Variants in EPB41L2 observed in about 807,000 individuals in gnomAD.
EPB41L2 encodes erythrocyte membrane protein band 4.1 like 2, also known as band 4.1-like protein 2.
In EPB41L2, 43 loss-of-function variants were observed where a neutral mutation model predicts 113.0. The ratio of observed to expected loss-of-function variants is 0.38; its 90% CI spans 0.30 to 0.49. EPB41L2 has a LOEUF of 0.49. Ranked by LOEUF, EPB41L2 falls within the 20% of genes least tolerant of loss-of-function variation. EPB41L2 has a pLI of 0.95. For missense variants in EPB41L2, 1,147 were observed against 1,223.4 expected (o/e 0.94, Z 0.93); for synonymous variants, 442 against 436.7 (o/e 1.01, Z -0.15).
At chr6:130,885,886 A>G (rs1448118363) in intron 11 of EPB41L2, among the ~76,000 whole-genome samples, 1 of 152,146 alleles carries the variant, frequency 6.6e-6, no homozygotes, top group Non-Finnish European at 1.5e-5. Flanking sequence ...CTATACATAG[A>G]CACCTCCCTC....
intron 1 of EPB41L2, among the ~76,000 whole-genome samples, chr6:131,028,362 T>C (rs1791330424): frequency 6.6e-6 from 1 of 152,194 alleles, no homozygotes. Flanking sequence ...GATTGGGTCA[T>C]CCCTTAGTGC....
At chr6:130,919,991 A>C (rs1378415952) in intron 4 of EPB41L2, among the ~76,000 whole-genome samples, 1 of 152,036 alleles carries the variant, frequency 6.6e-6, no homozygotes, top group Non-Finnish European at 1.5e-5. Flanking sequence ...TTTTTTTAAC[A>C]ACTGCACCAC....
chr6:131,017,315 T>C (rs968820849), intron 1 of EPB41L2, among the ~76,000 whole-genome samples: 6 of 152,160 alleles, frequency 3.9e-5, no homozygotes, highest in Non-Finnish European at 8.8e-5. Flanking sequence ...CAAACTAACA[T>C]TGGCTGGATT....
At chr6:131,042,924 T>C (rs531302974) in intron 1 of EPB41L2, among the ~76,000 whole-genome samples, 37 of 152,320 alleles carry the variant, frequency 2.4e-4, no homozygotes, top group African/African-American at 8.4e-4. Context: ...AGAGGATTAT[T>C]ATCTTCCCAA....
At chr6:131,023,150 G>GTAT (rs1789903079) in intron 1 of EPB41L2, among the ~76,000 whole-genome samples, 1 of 152,150 alleles carries the variant, frequency 6.6e-6, no homozygotes, top group Non-Finnish European at 1.5e-5. Context: ...ATAATGCAAA[G>GTAT]TATTCCTTCC....
chr6:131,021,559 C>T (rs1308486095), intron 1 of EPB41L2, among the ~76,000 whole-genome samples: 1 of 151,868 alleles, frequency 6.6e-6, no homozygotes, highest in Non-Finnish European at 1.5e-5. Flanking sequence ...TACTCAGGAG[C>T]CTGAGGCAGG....
chr6:130,937,093 CAGTG>C (rs1418774314), intron 3 of EPB41L2, among the ~76,000 whole-genome samples: 5 of 152,222 alleles, frequency 3.3e-5, no homozygotes, highest in African/African-American at 1.2e-4. Context: ...ACATCCCACA[CAGTG>C]GGTACATTTG....
intron 1 of EPB41L2, among the ~76,000 whole-genome samples, chr6:131,037,640 G>A (rs1793605946): frequency 7.1e-6 from 1 of 139,886 alleles, no homozygotes; most frequent in Non-Finnish European, 1.5e-5. Context: ...ACAGGCTGGT[G>A]TGCACTGGTG....
chr6:131,040,059 G>A (rs1794134619), intron 1 of EPB41L2, among the ~76,000 whole-genome samples: 1 of 152,182 alleles, frequency 6.6e-6, no homozygotes, highest in Non-Finnish European at 1.5e-5. Flanking sequence ...TTAGGGTATA[G>A]AGTGTTAACG....
At chr6:130,954,036 C>CTTTTTT (rs1816328530) in intron 3 of EPB41L2, among the ~76,000 whole-genome samples, 19 of 45,520 alleles carry the variant, frequency 4.2e-4, no homozygotes, top group African/African-American at 7.6e-4. Context: ...TAGTCCTTTT[C>CTTTTTT]TTTCTTTTTT....
At chr6:130,927,127 T>C (rs1471560154) in intron 3 of EPB41L2, among the ~76,000 whole-genome samples, 1 of 152,212 alleles carries the variant, frequency 6.6e-6, no homozygotes, top group Non-Finnish European at 1.5e-5. Flanking sequence ...TAATTTATCC[T>C]ATCAACACTT....
At chr6:131,012,400 C>T (rs573040655) in intron 1 of EPB41L2, among the ~76,000 whole-genome samples, 91 of 147,132 alleles carry the variant, frequency 6.2e-4, no homozygotes, top group Non-Finnish European at 1.2e-3. Flanking sequence ...AGCAGCATGG[C>T]GGGCTACCAC....
intron 4 of EPB41L2, among the ~76,000 whole-genome samples, chr6:130,913,334 T>C (rs575974725): frequency 2.6e-5 from 4 of 152,318 alleles, no homozygotes; most frequent in Admixed American, 6.5e-5. Context: ...GGGGTTTACC[T>C]GATGTGATCA....
intron 1 of EPB41L2, among the ~76,000 whole-genome samples, chr6:131,031,377 G>C (rs1488252089): frequency 6.6e-6 from 1 of 151,862 alleles, no homozygotes; most frequent in Non-Finnish European, 1.5e-5. Context: ...ACAGCTGATA[G>C]AGTACCAAAA....
rs376819201 is a variant in EPB41L2 at position 131,001,418 on chromosome 6, G to A, written c.-14-44919C>T. 6.6e-5 allele frequency among the ~76,000 whole-genome samples: 10 copies of A among 152,160 alleles called. 1 individual carries two copies. The East Asian group carries it at 1.7e-3, about 26-fold the overall frequency. On this transcript the variant is annotated intron_variant, in intron 1 of 19. Transcript: ENST00000337057. ...TTATATTACATGGAACAAACTTTTT[G>A]GTACAACACTAGAGAACAAGTTAAG...
In EPB41L2 at chr6:130,916,919, C is replaced by T. The variant is rs577014139; in HGVS notation, c.811-8056G>A. The stretch of plus-strand genomic sequence containing the variant: ...TTCCTGAAAGCTCAATATAGAGAGA[C>T]ATTTTTCAAGTCCTACTGGCTTGTC... On this transcript the variant is annotated intron_variant, in intron 4 of 19. Coordinates refer to ENST00000337057, the MANE Select transcript of EPB41L2 (RefSeq NM_001431.4). Among the ~76,000 whole-genome samples the T allele has an allele frequency of 9.2e-5, 14 of 152,310 alleles. 1 individual carries two copies. Among genetic ancestry groups the T allele is most frequent in the Admixed American group, 7.8e-4 (12 of 15,298 alleles).
intron 8 of EPB41L2, among the ~76,000 whole-genome samples, chr6:130,898,121 A>C (rs1429319595): frequency 2.0e-5 from 3 of 151,406 alleles, no homozygotes; most frequent in Non-Finnish European, 4.4e-5. Flanking sequence ...AAAAGAAAAG[A>C]AAAAAGGTAT....
intron 1 of EPB41L2, among the ~76,000 whole-genome samples, chr6:130,994,662 T>G (rs1294047958): frequency 6.6e-6 from 1 of 152,178 alleles, no homozygotes; most frequent in Non-Finnish European, 1.5e-5. Flanking sequence ...ACTGAAAGGA[T>G]ATATACATGT....
intron 1 of EPB41L2, among the ~76,000 whole-genome samples, chr6:131,053,768 A>G (rs1797091943): frequency 6.6e-6 from 1 of 152,266 alleles, no homozygotes; most frequent in South Asian, 2.1e-4. Context: ...TTGCTTACTC[A>G]TATAGCCTCC....
Sources: allele counts gnomAD v4.1 joint callset (sites outside exome capture counted in the v4.1 genomes callset), GRCh38; gene constraint gnomAD v4.1.1; transcripts MANE v1.5; gene names NCBI Gene and HGNC (gene_info 2026-07-23, HGNC 2026-07-21).